The following TMPRSS15 variants were observed in gnomAD, a reference collection of about 807,000 sequenced individuals.
TMPRSS15 encodes enteropeptidase.
Under a neutral mutation model 125.3 loss-of-function variants are expected in TMPRSS15, and 128 were observed. That is an observed-to-expected ratio of 1.02 (90% CI 0.89 to 1.18). The LOEUF (loss-of-function observed/expected upper bound fraction) is 1.18. Among genes scored for constraint, TMPRSS15 ranks in the 50% most tolerant of loss-of-function variants. The pLI is 0.00. For missense variants in TMPRSS15, 1,283 were observed against 1,212.7 expected, an observed-to-expected ratio of 1.06 and a Z score of -0.86; for synonymous variants, 446 against 423.2, an observed-to-expected ratio of 1.05 and a Z score of -0.66.
intron 5 of TMPRSS15, among the ~76,000 whole-genome samples, chr21:18,373,703 T>C (rs1353089503): frequency 6.6e-6 from 1 of 152,238 alleles, no homozygotes; most frequent in South Asian, 2.1e-4. Context: ...TAGGAACATA[T>C]ATCACTTTGG....
chr21:18,290,608 G>T (rs1040483359), intron 21 of TMPRSS15, among the ~76,000 whole-genome samples: 1 of 151,712 alleles, frequency 6.6e-6, no homozygotes, highest in African/African-American at 2.4e-5. Context: ...TAAAGGAGAT[G>T]AAAAAAGTGT....
At chr21:18,398,353 A>G in intron 1 of TMPRSS15, 24 bp from the exon 2 acceptor site, 1 of 1,612,404 alleles carries the variant, frequency 6.2e-7, no homozygotes, top group South Asian at 1.1e-5. Context: ...TAAGGAAAAA[A>G]CACTAAGATT....
rs573907615 is a variant in TMPRSS15 at position 18,383,665 on chromosome 21, A to T, written c.458T>A (p.Val153Asp). The change falls in exon 4 of 25, where the codon GTC (valine) becomes GAC (aspartate). Residue 153 changes from valine to aspartate, a missense_variant. By Grantham distance (152) the Val-to-Asp change is radical (BLOSUM62 -3). Transcript: ENST00000284885. ...GCTGTTCAAATCAATATGGAAAGTG[A>T]CCAGTTGGCTGGATTTATTTGCTTC... ...GLEANKSSQL[V>D]TFHIDLNSVD... is the part of the protein sequence containing the mutation. 1.9e-6 allele frequency: 3 copies of T among 1,614,006 alleles called. No homozygotes were observed. The highest frequency in any genetic ancestry group is 2.7e-5 in the African/African-American group (2 of 75,064).
intron 21 of TMPRSS15, among the ~76,000 whole-genome samples, chr21:18,290,935 C>T (rs3787580): frequency 0.8 from 122,321 of 152,126 alleles, 49,403 homozygotes; most frequent in Non-Finnish European, 0.83. Context: ...AAGAGCTCTG[C>T]ACTATTTTTG....
At chr21:18,332,018 G>T (rs772047068) in intron 14 of TMPRSS15, 66 bp downstream of exon 14, 6 of 1,392,420 alleles carry the variant, frequency 4.3e-6, no homozygotes, top group Non-Finnish European at 5.1e-6. Context: ...ACTTTGCTGC[G>T]TCAAGGGGAG....
intron 18 of TMPRSS15, among the ~76,000 whole-genome samples, chr21:18,305,251 C>T (rs543500481): frequency 9.3e-5 from 12 of 128,736 alleles, no homozygotes; most frequent in South Asian, 5.1e-4. Flanking sequence ...TGCAGTGGCG[C>T]GATCTCGGCT....
At chr21:18,317,129 T>C (rs1028027451) in intron 16 of TMPRSS15, among the ~76,000 whole-genome samples, 2 of 152,202 alleles carry the variant, frequency 1.3e-5, no homozygotes, top group African/African-American at 4.8e-5. Context: ...GTTAATATGA[T>C]TTCAGAAACA....
At chr21:18,400,674 G>A (rs1406876397) in intron 1 of TMPRSS15, among the ~76,000 whole-genome samples, 1 of 152,256 alleles carries the variant, frequency 6.6e-6, no homozygotes, top group South Asian at 2.1e-4. Context: ...GCTTGGCAGA[G>A]AATTTAGGAC....
chr21:18,276,394 C>T (rs912282494), intron 23 of TMPRSS15, among the ~76,000 whole-genome samples: 1 of 152,226 alleles, frequency 6.6e-6, no homozygotes, highest in East Asian at 1.9e-4. Context: ...ATGGAGTAAA[C>T]ATTACTAGAT....
chr21:18,309,924 A>G (rs558879011), intron 18 of TMPRSS15, among the ~76,000 whole-genome samples: 4 of 152,254 alleles, frequency 2.6e-5, no homozygotes, highest in Admixed American at 2.6e-4. Context: ...TTCGTTCCTG[A>G]TGAGGCTGAC....
chr21:18,390,177 A>G (rs2075979039), intron 3 of TMPRSS15, among the ~76,000 whole-genome samples: 1 of 152,128 alleles, frequency 6.6e-6, no homozygotes, highest in Admixed American at 6.5e-5. Flanking sequence ...AAAACTTTCC[A>G]TGACCCACCC....
intron 1 of TMPRSS15, among the ~76,000 whole-genome samples, chr21:18,457,196 C>T (rs185340243): frequency 1.3e-5 from 2 of 151,880 alleles, no homozygotes; most frequent in Admixed American, 6.6e-5. Flanking sequence ...TAGTGCTTAC[C>T]GAGTATCTTA....
chr21:18,321,889 C>T (rs1411366831), intron 16 of TMPRSS15, among the ~76,000 whole-genome samples: 1 of 152,130 alleles, frequency 6.6e-6, no homozygotes, highest in Middle Eastern at 3.2e-3. Flanking sequence ...TGTCCTATGT[C>T]TAGGAGGAAT....
At chr21:18,453,071 A>T (rs1207481066) in intron 1 of TMPRSS15, among the ~76,000 whole-genome samples, 1 of 152,196 alleles carries the variant, frequency 6.6e-6, no homozygotes, top group Non-Finnish European at 1.5e-5. Context: ...CTGAAACTTT[A>T]TATCTTTTGA....
chr21:18,357,729 T>C (rs1297338149), intron 8 of TMPRSS15, among the ~76,000 whole-genome samples: 3 of 151,752 alleles, frequency 2.0e-5, no homozygotes, highest in African/African-American at 7.2e-5. Context: ...ATACTGCTTG[T>C]TTCCATTGAT....
intron 11 of TMPRSS15, 42 bp downstream of exon 11, chr21:18,343,913 C>T (rs1193400979): frequency 6.4e-7 from 1 of 1,553,102 alleles, no homozygotes; most frequent in Admixed American, 1.7e-5. Flanking sequence ...GCAATGTTAC[C>T]CATTAAAAAA....
At chr21:18,465,042 C>T (rs143571104) in intron 1 of TMPRSS15, among the ~76,000 whole-genome samples, 2 of 152,274 alleles carry the variant, frequency 1.3e-5, no homozygotes, top group East Asian at 1.9e-4. Flanking sequence ...TACAGCAGCA[C>T]ATCAAAAAGC....
intron 14 of TMPRSS15, 129 bp downstream of exon 14, chr21:18,331,945 TATATTAAGCA>T (rs968344364): frequency 1.1e-5 from 8 of 724,442 alleles, no homozygotes; most frequent in Non-Finnish European, 1.7e-5. Flanking sequence ...TTTTTGTTGT[TATATTAAGCA>T]ATCTTATAGG....
At chr21:18,398,405 C>T in intron 1 of TMPRSS15, 76 bp from the exon 2 acceptor site, 1 of 1,501,700 alleles carries the variant, frequency 6.7e-7, no homozygotes, top group Non-Finnish European at 9.2e-7. Flanking sequence ...TCTGTTAAGA[C>T]ATAGAAGTAA....
Sources: allele counts gnomAD v4.1 joint callset (sites outside exome capture counted in the v4.1 genomes callset), GRCh38; gene constraint gnomAD v4.1.1; transcripts MANE v1.5; gene names NCBI Gene and HGNC (gene_info 2026-07-23, HGNC 2026-07-21).